The following DNAH2 variants were observed in gnomAD, a reference collection of about 807,000 sequenced individuals.
The protein encoded by DNAH2 is axonemal beta dynein heavy chain 2.
In DNAH2, 323 loss-of-function variants were observed where a neutral mutation model predicts 523.5. That is an observed-to-expected ratio of 0.62 (90% CI 0.56 to 0.68). The LOEUF (loss-of-function observed/expected upper bound fraction) is 0.68, where lower values mean the gene tolerates loss of function less well. Among genes scored for constraint, DNAH2 ranks in the 30% least tolerant of loss-of-function variants. DNAH2 has a pLI of 0.00. For missense variants in DNAH2, 4,907 were observed against 5,701.5 expected (o/e 0.86, Z 4.49); for synonymous variants, 2,093 against 2,177.4 (o/e 0.96, Z 1.08).
intron 77 of DNAH2, among the ~76,000 whole-genome samples, chr17:7,830,014 G>A (rs893630774): frequency 3.6e-5 from 4 of 111,320 alleles, no homozygotes; most frequent in South Asian, 3.0e-4. Context: ...CAACAACAGC[G>A]AAACTCCGTC....
chr17:7,773,150 TGACA>T (rs2076363360), intron 28 of DNAH2, among the ~76,000 whole-genome samples: 1 of 152,182 alleles, frequency 6.6e-6, no homozygotes, highest in Admixed American at 6.6e-5. Context: ...TGAATTGACA[TGACA>T]GTAAGTGAAA....
chr17:7,777,829 T>G (rs1475912990), intron 33 of DNAH2, among the ~76,000 whole-genome samples, 195 bp downstream of exon 33: 1 of 152,244 alleles, frequency 6.6e-6, no homozygotes, highest in East Asian at 1.9e-4. Flanking sequence ...GGGCTCACTA[T>G]GAATGTCACT....
rs1310562222 is a variant in DNAH2, at chr17:7,828,361, A to C, written c.11854-1939A>C. On this transcript the variant is annotated intron_variant, in intron 77 of 85. Coordinates refer to ENST00000572933, the MANE Select transcript of DNAH2 (RefSeq NM_020877.5). This position sits in a 1 kb window ranked among gnomAD's most constrained non-coding sequence, Gnocchi z 4.1. ...AATTTTAGAATTTGTTTGTTCTATT[A>C]AAAAAATTCTATTCATCAGTTTGGG... 6.6e-6 allele frequency among the ~76,000 whole-genome samples: 1 copy of C among 152,034 alleles called. No individual in the cohort carries two copies. The highest frequency in any genetic ancestry group is 1.5e-5 in the Non-Finnish European group (1 of 67,992).
chr17:7,780,077 G>T lies in DNAH2; in HGVS notation c.5723-80G>T. On this transcript the variant is annotated intron_variant, in intron 36 of 85. Transcript: ENST00000572933. This position sits in a 1 kb window ranked among gnomAD's most constrained non-coding sequence, Gnocchi z 4.4. ...ATGGAGTTAGGGTGGGAGAAAATGA[G>T]ACTGATTGGAAAGTGGGTTTGGGGA... 6.5e-7 allele frequency: 1 copy of T among 1,546,510 alleles called. No individual in the cohort carries two copies. Among genetic ancestry groups the T allele is most frequent in the South Asian group, 1.2e-5 (1 of 82,258 alleles).
At chr17:7,748,027 C>T (rs2075564856) in intron 12 of DNAH2, among the ~76,000 whole-genome samples, 1 of 152,206 alleles carries the variant, frequency 6.6e-6, no homozygotes, top group African/African-American at 2.4e-5. Context: ...TCTGATGTTC[C>T]TCGGAATTAC....
intron 4 of DNAH2, among the ~76,000 whole-genome samples, chr17:7,731,900 A>C (rs1324069184): frequency 1.3e-5 from 2 of 151,726 alleles, no homozygotes; most frequent in Admixed American, 6.6e-5. Context: ...GTGGTGGCAC[A>C]TGCTTGTAAT....
At chr17:7,768,129 C>T (rs763778126) in intron 23 of DNAH2, 35 bp from the exon 24 acceptor site, 32 of 1,613,932 alleles carry the variant, frequency 2.0e-5, no homozygotes, top group Admixed American at 5.0e-5. Context: ...CCAGGGAGGT[C>T]GTCGGGTCTT....
At chr17:7,783,304 C>T (rs914989485) in intron 39 of DNAH2, among the ~76,000 whole-genome samples, 4 of 151,894 alleles carry the variant, frequency 2.6e-5, no homozygotes, top group Non-Finnish European at 4.4e-5. Flanking sequence ...CTCGAACTCC[C>T]GACCTCAGGT....
rs770106658 is a variant in DNAH2 at position 7,833,126 on chromosome 17, ACTC to A, written c.13037_13039del (p.Ser4346del). Reference sequence around the variant, plus strand: ...GAAGGTGCTGGCTGGGACCGGAAGAACTCCTGCTTGGTGGAGGCAGAGCCCATG... The same window carrying A: ...GAAGGTGCTGGCTGGGACCGGAAGAACTGCTTGGTGGAGGCAGAGCCCATG... On this transcript the variant is annotated inframe_deletion, in exon 85 of 86. Coordinates refer to ENST00000572933, the MANE Select transcript of DNAH2 (RefSeq NM_020877.5). 3.1e-6 allele frequency: 5 copies of A among 1,612,090 alleles called. No individual in the cohort carries two copies. Among genetic ancestry groups the A allele is most frequent in the Admixed American group, 1.7e-5 (1 of 59,976 alleles).
intron 55 of DNAH2, 99 bp from the exon 56 acceptor site, chr17:7,799,004 C>T: frequency 6.7e-7 from 1 of 1,496,120 alleles, no homozygotes; most frequent in Non-Finnish European, 9.0e-7. Context: ...AGTTCAAGTC[C>T]AGCCTGGGAA....
At position 7,758,541 on chromosome 17, in the gene DNAH2, C is replaced by A. The variant is rs188435233; in HGVS notation, c.2098C>A (p.Arg700Ser). 5.4e-5 allele frequency: 87 copies of A among 1,614,100 alleles called. No homozygotes were observed. The highest frequency in any genetic ancestry group is 7.2e-5 in the Non-Finnish European group (85 of 1,180,020). Residue 700 changes from arginine (R) to serine (S), a missense_variant, in exon 14 of 86, where the codon CGT (arginine) becomes AGT (serine). Physicochemically the swap from Arg to Ser is moderately radical, Grantham distance 110. Around this residue, in one of 3 missense-constraint regions of DNAH2, gnomAD observed 2,806 missense variants for 3,190.8 expected, o/e 0.88. Coordinates refer to ENST00000572933, the MANE Select transcript of DNAH2 (RefSeq NM_020877.5). Reference protein sequence around the residue: ...SPDEQALFKERIRLLDKKIHP... With the variant: ...SPDEQALFKESIRLLDKKIHP... ...AGATGAGCAGGCCCTATTCAAAGAG[C>A]GTATTCGGCTCCTGGATAAGAAGAT...
At chr17:7,800,134 CTCTACCTCCCAGGT>C (rs1375487945) in intron 56 of DNAH2, among the ~76,000 whole-genome samples, 5 of 152,202 alleles carry the variant, frequency 3.3e-5, no homozygotes, top group Non-Finnish European at 5.9e-5. Context: ...TCACTGCAGC[CTCTACCTCCCAGGT>C]TCAAGTAATC....
At chr17:7,722,968 T>C (rs1034850892) in intron 2 of DNAH2, among the ~76,000 whole-genome samples, 1 of 138,140 alleles carries the variant, frequency 7.2e-6, no homozygotes, top group African/African-American at 2.7e-5. Flanking sequence ...TCTTTCCTTT[T>C]TTTTTTTTTT....
At chr17:7,790,629 C>A (rs935038032) in intron 44 of DNAH2, among the ~76,000 whole-genome samples, 1 of 152,192 alleles carries the variant, frequency 6.6e-6, no homozygotes, top group African/African-American at 2.4e-5. Flanking sequence ...GTTCCCCTCT[C>A]TCCTCCCAGT....
Position 7,797,665 on chromosome 17 carries a change from C to T in DNAH2, c.8081-15C>T. On this transcript the variant is annotated splice_polypyrimidine_tract_variant and intron_variant, in intron 52 of 85. Coordinates refer to ENST00000572933, the MANE Select transcript of DNAH2 (RefSeq NM_020877.5). ...CAGGCATTTGTGACTCTGATCCCCT[C>T]TTCCCATGGCTCAGGGGATTTCCTG... is the stretch of plus-strand genomic sequence containing the variant. The T allele has an allele frequency of 6.2e-7, 1 of 1,614,110 alleles. No individual in the cohort carries two copies. Among genetic ancestry groups the T allele is most frequent in the Non-Finnish European group, 8.5e-7 (1 of 1,180,034 alleles).
chr17:7,820,940 G>A (rs373559826), intron 72 of DNAH2, among the ~76,000 whole-genome samples: 1 of 152,174 alleles, frequency 6.6e-6, no homozygotes, highest in South Asian at 2.1e-4. Context: ...TTGGGAGCCT[G>A]ACGCAGGAGA....
Position 7,779,343 on chromosome 17 carries a change from C to T in DNAH2, c.5642C>T (p.Ala1881Val), listed in dbSNP as rs1183053340. 6.2e-7 allele frequency: 1 copy of T among 1,614,130 alleles called. No individual in the cohort carries two copies. The highest frequency in any genetic ancestry group is 2.2e-5 in the East Asian group (1 of 44,892). ...CTGTGCATCCTGTCTGCCCTGGCTG[C>T]CGGCCTCACCCATTTCCATTTTGAT... is the stretch of plus-strand genomic sequence containing the variant. ...QILCILSALAAGLTHFHFDGF... is the reference protein window; with the variant it reads ...QILCILSALAVGLTHFHFDGF... Residue 1881 changes from alanine to valine, a missense_variant, in exon 36 of 86, where the codon GCC (alanine) becomes GTC (valine). Coordinates refer to ENST00000572933, the MANE Select transcript of DNAH2 (RefSeq NM_020877.5).
chr17:7,775,078 GTTAA>G, intron 29 of DNAH2, 102 bp downstream of exon 29: 3 of 1,296,596 alleles, frequency 2.3e-6, no homozygotes, highest in Non-Finnish European at 3.2e-6. Context: ...GGAGGGCCAT[GTTAA>G]TTAATGATTC....
At chr17:7,819,813 A>C (rs2077803792) in intron 72 of DNAH2, among the ~76,000 whole-genome samples, 1 of 152,112 alleles carries the variant, frequency 6.6e-6, no homozygotes, top group Non-Finnish European at 1.5e-5. Context: ...GCAGCAAGGA[A>C]CTGGACTTCT....
Sources: allele counts gnomAD v4.1 joint callset (sites outside exome capture counted in the v4.1 genomes callset), GRCh38; gene constraint gnomAD v4.1.1; regional missense constraint gnomAD v4.1.1; non-coding constraint Gnocchi (gnomAD v3.1); transcripts MANE v1.5; gene names NCBI Gene and HGNC (gene_info 2026-07-23, HGNC 2026-07-21).